Variants in CRB1 observed in about 807,000 individuals in gnomAD.
The protein encoded by CRB1 is protein crumbs homolog 1.
A neutral mutation model predicts 120.0 loss-of-function variants in CRB1; 83 were observed. The observed-to-expected ratio is 0.69, with a 90% CI of 0.58 to 0.83. The LOEUF (loss-of-function observed/expected upper bound fraction) is 0.83. Among genes scored for constraint, CRB1 ranks in the 40% least tolerant of loss-of-function variants. The pLI is 0.00. For synonymous variants in CRB1, 625 were observed against 612.5 expected, an observed-to-expected ratio of 1.02 and a Z score of -0.30; for missense variants, 1,699 against 1,687.6, an observed-to-expected ratio of 1.01 and a Z score of -0.12.
intron 1 of CRB1, among the ~76,000 whole-genome samples, chr1:197,308,029 G>A (rs1237174793): frequency 5.3e-5 from 8 of 152,004 alleles, no homozygotes; most frequent in Non-Finnish European, 5.9e-5. Flanking sequence ...TAAATACATG[G>A]AATCAATCCA....
At chr1:197,272,559 C>T (rs146011528) in intron 1 of CRB1, among the ~76,000 whole-genome samples, 542 of 152,030 alleles carry the variant, frequency 3.6e-3, no homozygotes, top group Non-Finnish European at 5.7e-3. Flanking sequence ...TTTAAGCAAA[C>T]CGTGCTACAT....
At chr1:197,318,161 C>T (rs1657966269) in intron 1 of CRB1, among the ~76,000 whole-genome samples, 1 of 151,758 alleles carries the variant, frequency 6.6e-6, no homozygotes, top group South Asian at 2.1e-4. Flanking sequence ...AAAAGTAAAC[C>T]CATCAAAAAA....
chr1:197,449,066 C>A (rs1036480309), intron 11 of CRB1, among the ~76,000 whole-genome samples: 1 of 152,174 alleles, frequency 6.6e-6, no homozygotes, highest in South Asian at 2.1e-4. Context: ...AATACAAATT[C>A]ATAGTGGTAT....
intron 5 of CRB1, among the ~76,000 whole-genome samples, chr1:197,387,644 A>C (rs1170285620): frequency 6.6e-6 from 1 of 152,046 alleles, no homozygotes; most frequent in Non-Finnish European, 1.5e-5. Flanking sequence ...ATGAATGATT[A>C]TTTTATTTAA....
chr1:197,399,800 T>G (rs1410256638), intron 5 of CRB1, among the ~76,000 whole-genome samples: 1 of 152,050 alleles, frequency 6.6e-6, no homozygotes, highest in Non-Finnish European at 1.5e-5. Flanking sequence ...TACAAATTCC[T>G]TCAGGGTGGT....
chr1:197,446,189 C>CAAA (rs60054949), intron 11 of CRB1, among the ~76,000 whole-genome samples: 1,543 of 143,096 alleles, frequency 0.011, 17 homozygotes, highest in East Asian at 0.071. Context: ...GACTTTGTCT[C>CAAA]AAAAAAAAAA....
intron 5 of CRB1, among the ~76,000 whole-genome samples, chr1:197,387,503 A>C (rs1662277843): frequency 6.6e-6 from 1 of 152,034 alleles, no homozygotes; most frequent in Non-Finnish European, 1.5e-5. Flanking sequence ...GCTCCATAGA[A>C]TTCTCTAAAT....
the CRB1 span, among the ~76,000 whole-genome samples, chr1:197,220,663 G>A: frequency 1.3e-5 from 2 of 152,208 alleles, no homozygotes; most frequent in African/African-American, 2.4e-5. Flanking sequence ...TTATTGATAT[G>A]GTTTGGATTT....
At chr1:197,446,529 A>G (rs1486939927) in intron 11 of CRB1, among the ~76,000 whole-genome samples, 3 of 152,182 alleles carry the variant, frequency 2.0e-5, no homozygotes, top group East Asian at 3.9e-4. Flanking sequence ...TTTTCATCAT[A>G]AGAGAAATGG....
the CRB1 span, among the ~76,000 whole-genome samples, chr1:197,256,811 A>G: frequency 6.6e-6 from 1 of 151,754 alleles, no homozygotes; most frequent in African/African-American, 2.4e-5. Flanking sequence ...TAATAAAAAA[A>G]AAGAAAATTT....
intron 5 of CRB1, 147 bp downstream of exon 5, chr1:197,357,160 AGTATCTT>A: frequency 1.3e-6 from 1 of 777,992 alleles, no homozygotes; most frequent in African/African-American, 1.7e-5. Flanking sequence ...GGGCATGAAA[AGTATCTT>A]GTTTCACATT....
In CRB1 at chr1:197,374,196, C is replaced by T. The variant is rs139608135; in HGVS notation, c.1171+17183C>T. ...ATGATGGAAGCCATCTAGATAGATGCTGGGTAATCCATTTGATTCTAGTTG... is the reference window on the plus strand; with the variant it reads ...ATGATGGAAGCCATCTAGATAGATGTTGGGTAATCCATTTGATTCTAGTTG... On this transcript the variant is annotated intron_variant, in intron 5 of 11. Transcript: ENST00000367400. 6.6e-3 allele frequency among the ~76,000 whole-genome samples: 1,000 copies of T among 152,228 alleles called. 17 individuals carry two copies. Among genetic ancestry groups the T allele is most frequent in the African/African-American group, 0.023 (964 of 41,510 alleles).
At chr1:197,443,932 G>T (rs1296024130) in intron 11 of CRB1, 1 of 152,146 alleles carries the variant, frequency 6.6e-6, no homozygotes, top group Non-Finnish European at 1.5e-5. Context: ...AAAATAGTTT[G>T]ATCCTATGAA....
chr1:197,240,673 A>G, the CRB1 span, among the ~76,000 whole-genome samples: 1,893 of 152,282 alleles, frequency 0.012, 42 homozygotes, highest in African/African-American at 0.043. Context: ...TGCAGTAAAC[A>G]TATGTGTGCA....
chr1:197,403,062 T>C (rs900657094), intron 5 of CRB1, among the ~76,000 whole-genome samples: 2 of 152,228 alleles, frequency 1.3e-5, no homozygotes, highest in Non-Finnish European at 2.9e-5. Flanking sequence ...ATGAAAATAA[T>C]GTAGTATTCT....
chr1:197,376,128 A>G (rs1255562705), intron 5 of CRB1, among the ~76,000 whole-genome samples: 1 of 151,698 alleles, frequency 6.6e-6, no homozygotes, highest in Non-Finnish European at 1.5e-5. Flanking sequence ...CATATCCTCT[A>G]TTTTCTAGAC....
At chr1:197,437,787 A>T (rs1435977797) in intron 9 of CRB1, among the ~76,000 whole-genome samples, 3 of 152,180 alleles carry the variant, frequency 2.0e-5, no homozygotes, top group African/African-American at 7.2e-5. Flanking sequence ...AATATTTATT[A>T]GTTATCTGAT....
intron 5 of CRB1, among the ~76,000 whole-genome samples, chr1:197,393,194 G>T (rs1196116539): frequency 1.3e-5 from 2 of 152,062 alleles, no homozygotes; most frequent in Non-Finnish European, 1.5e-5. Context: ...AGCAATGAAT[G>T]CAGGACCAAA....
chr1:197,367,124 A>G (rs943699379), intron 5 of CRB1, among the ~76,000 whole-genome samples: 11 of 152,242 alleles, frequency 7.2e-5, no homozygotes, highest in Admixed American at 2.0e-4. Flanking sequence ...AATACTATTC[A>G]GTCCATTCCA....
Sources: allele counts gnomAD v4.1 joint callset (sites outside exome capture counted in the v4.1 genomes callset), GRCh38; gene constraint gnomAD v4.1.1; transcripts MANE v1.5; gene names NCBI Gene and HGNC (gene_info 2026-07-23, HGNC 2026-07-21).